The following PALS1 variants were observed in gnomAD, a reference collection of about 807,000 sequenced individuals.
PALS1 encodes the protein protein PALS1.
A neutral mutation model predicts 78.9 loss-of-function variants in PALS1; 31 were observed. The observed-to-expected ratio is 0.39, with a 90% CI of 0.30 to 0.53. PALS1 has a LOEUF of 0.53. Among genes scored for constraint, PALS1 ranks in the 20% least tolerant of loss-of-function variants. The pLI is 0.67. For synonymous variants in PALS1, 276 were observed against 270.9 expected (o/e 1.02, Z -0.18); for missense variants, 704 against 826.5 (o/e 0.85, Z 1.82).
intron 1 of PALS1, among the ~76,000 whole-genome samples, chr14:67,242,849 T>G (rs757823452): frequency 3.3e-5 from 5 of 152,208 alleles, no homozygotes; most frequent in Non-Finnish European, 5.9e-5. Flanking sequence ...CTTGACAAAT[T>G]AAGGTGGATT....
intron 6 of PALS1, 108 bp from the exon 7 acceptor site, chr14:67,302,302 A>G (rs1400833308): frequency 1.1e-5 from 12 of 1,089,146 alleles, no homozygotes; most frequent in Admixed American, 7.3e-5. Context: ...TTTTCTTAAG[A>G]TAACTGAAGG....
At position 67,288,964 on chromosome 14, in the gene PALS1, C is replaced by CT. The variant is rs36044460; in HGVS notation, c.368-3527dup. ...GAAAAAGTTTTATTTTCTTTATTTCCTTTTTTTTTTTTTTTTTTTTGAGAC... is the reference window on the plus strand; with the variant it reads ...GAAAAAGTTTTATTTTCTTTATTTCCTTTTTTTTTTTTTTTTTTTTTGAGAC... On this transcript the variant is annotated intron_variant, in intron 3 of 14. Coordinates refer to ENST00000261681, the MANE Select transcript of PALS1 (RefSeq NM_022474.4). Among the ~76,000 whole-genome samples, 140 of 107,044 alleles carry CT rather than the reference C, an allele frequency of 1.3e-3. 2 individuals carry two copies. Among genetic ancestry groups the CT allele is most frequent in the South Asian group, 4.9e-3 (16 of 3,236 alleles). The allele number at this position is 107,044 out of a possible 152,430, so 70.2% of individuals were successfully genotyped here. A position where few individuals can be genotyped will look rare whatever the true frequency, so the allele number is the denominator to read the frequency against.
At chr14:67,245,967 A>G (rs1073607) in intron 1 of PALS1, among the ~76,000 whole-genome samples, 22,586 of 151,648 alleles carry the variant, frequency 0.15, 3,150 homozygotes, top group East Asian at 0.42. Flanking sequence ...TGTTTCACTT[A>G]TTTGTTTGTC....
intron 1 of PALS1, among the ~76,000 whole-genome samples, chr14:67,242,392 A>C (rs2083918918): frequency 6.6e-6 from 1 of 152,226 alleles, no homozygotes; most frequent in African/African-American, 2.4e-5. Context: ...GTTGAACAAA[A>C]ATTTTGAAAT....
intron 1 of PALS1, among the ~76,000 whole-genome samples, chr14:67,259,069 G>T (rs138020829): frequency 6.8e-6 from 1 of 146,250 alleles, no homozygotes; most frequent in East Asian, 2.2e-4. Flanking sequence ...TCTCGAACTC[G>T]TGGCCTCAAG....
rs2085259218 is a variant in PALS1 at position 67,321,219 on chromosome 14, T to G, written c.1700T>G (p.Ile567Ser). The G allele has an allele frequency of 1.9e-6, 3 of 1,614,088 alleles. No individual in the cohort carries two copies. The highest frequency in any genetic ancestry group is 2.7e-5 in the African/African-American group (2 of 74,942). ...AGCATAGATTCTGTACGGCAAGTGATCAACTCTGGCAAAATATGTCTTTTA... is the reference window on the plus strand; with the variant it reads ...AGCATAGATTCTGTACGGCAAGTGAGCAACTCTGGCAAAATATGTCTTTTA... ...GTSIDSVRQVINSGKICLLSL... is the reference protein window; with the variant it reads ...GTSIDSVRQVSNSGKICLLSL... Residue 567 changes from isoleucine to serine, a missense_variant, in exon 13 of 15, where the codon ATC (isoleucine) becomes AGC (serine). Coordinates refer to ENST00000261681, the MANE Select transcript of PALS1 (RefSeq NM_022474.4).
chr14:67,327,487 AT>A (rs912300961), intron 14 of PALS1, among the ~76,000 whole-genome samples: 1 of 147,974 alleles, frequency 6.8e-6, no homozygotes, highest in East Asian at 2.0e-4. Context: ...TTTTTATTTT[AT>A]TTTTTTATTT....
chr14:67,311,311 A>T (rs1372897387), intron 8 of PALS1, among the ~76,000 whole-genome samples: 4 of 99,880 alleles, frequency 4.0e-5, no homozygotes, highest in African/African-American at 2.3e-4. Context: ...ACTCCGTCTC[A>T]AAAAAAAAAA....
Position 67,332,881 on chromosome 14 carries a change from C to T in PALS1, c.1953C>T (p.Ala651=). 1 of 1,613,902 alleles carries T rather than the reference C, an allele frequency of 6.2e-7. No individual in the cohort carries two copies. Among genetic ancestry groups the T allele is most frequent in the South Asian group, 1.1e-5 (1 of 91,064 alleles). Residue 651 remains alanine (A), a synonymous_variant, in exon 15 of 15, where the codon GCC becomes GCT. Transcript: ENST00000261681. ...TTGTGAATTCCGATCTTGATAAAGCCTATCAGGAATTGCTTAGGTTAATTA... is the reference window on the plus strand; with the variant it reads ...TTGTGAATTCCGATCTTGATAAAGCTTATCAGGAATTGCTTAGGTTAATTA... ...TAIVNSDLDK[A]YQELLRLINK... is the part of the protein sequence containing the mutation.
intron 6 of PALS1, 131 bp downstream of exon 6, chr14:67,302,249 C>T: frequency 8.6e-7 from 1 of 1,159,562 alleles, no homozygotes; most frequent in South Asian, 2.3e-5. Flanking sequence ...AAATGGTCAA[C>T]TTTTAAATCT....
intron 11 of PALS1, among the ~76,000 whole-genome samples, chr14:67,317,791 C>CAAT (rs2085200429): frequency 6.6e-6 from 1 of 152,202 alleles, no homozygotes; most frequent in Non-Finnish European, 1.5e-5. Context: ...ATGTCCTCTA[C>CAAT]AATAGCTCAT....
intron 2 of PALS1, among the ~76,000 whole-genome samples, chr14:67,277,362 G>A (rs1315018295): frequency 6.6e-6 from 1 of 152,146 alleles, no homozygotes; most frequent in African/African-American, 2.4e-5. Flanking sequence ...TTTCCTGATT[G>A]TTGGACTAGT....
At chr14:67,330,616 G>A (rs1461787312) in intron 14 of PALS1, among the ~76,000 whole-genome samples, 9 of 151,808 alleles carry the variant, frequency 5.9e-5, no homozygotes, top group African/African-American at 1.7e-4. Context: ...GCACCACCAC[G>A]CCCAGCTAAT....
At chr14:67,309,620 C>A (rs1296794662) in intron 8 of PALS1, among the ~76,000 whole-genome samples, 1 of 152,126 alleles carries the variant, frequency 6.6e-6, no homozygotes, top group African/African-American at 2.4e-5. Context: ...AAAAGCATCT[C>A]TGGGTGATTT....
intron 8 of PALS1, among the ~76,000 whole-genome samples, chr14:67,307,143 A>C (rs2085016802): frequency 6.6e-6 from 1 of 152,202 alleles, no homozygotes; most frequent in Non-Finnish European, 1.5e-5. Context: ...AGCAGAGGGC[A>C]AGAGTCTTGG....
chr14:67,280,638 T>G (rs2084588829), intron 3 of PALS1, among the ~76,000 whole-genome samples: 1 of 152,156 alleles, frequency 6.6e-6, no homozygotes. Flanking sequence ...CACAAAATGG[T>G]TTGAATGGAA....
intron 8 of PALS1, among the ~76,000 whole-genome samples, chr14:67,311,814 A>G (rs1418496311): frequency 1.3e-5 from 2 of 152,254 alleles, no homozygotes; most frequent in Admixed American, 1.3e-4. Flanking sequence ...CAAAGCCTAC[A>G]TAGCATACAA....
At position 67,315,434 on chromosome 14, in the gene PALS1, GC is replaced by G. The variant is rs558344063; in HGVS notation, c.1226-1395del. Among the ~76,000 whole-genome samples, 11 of 151,728 alleles carry G rather than the reference GC, an allele frequency of 7.2e-5. No homozygotes were observed. The South Asian group carries it at 2.3e-3, about 32-fold the overall frequency. ...TGGGACTACAGGTGCCCACCACCAC[GC>G]CCAGCTGATGTTTTGTATTTTTAGT... is the stretch of plus-strand genomic sequence containing the variant. On this transcript the variant is annotated intron_variant, in intron 9 of 14. Transcript: ENST00000261681.
chr14:67,329,273 C>T (rs2085404649), intron 14 of PALS1, among the ~76,000 whole-genome samples: 1 of 152,146 alleles, frequency 6.6e-6, no homozygotes, highest in South Asian at 2.1e-4. Flanking sequence ...ATTTGGCTCT[C>T]TCTTTGTCTG....
Sources: allele counts gnomAD v4.1 joint callset (sites outside exome capture counted in the v4.1 genomes callset), GRCh38; gene constraint gnomAD v4.1.1; transcripts MANE v1.5; gene names NCBI Gene and HGNC (gene_info 2026-07-23, HGNC 2026-07-21).